Variants in ANKRD13C observed in about 807,000 individuals in gnomAD.
ANKRD13C encodes the protein ankyrin repeat domain-containing protein 13C.
A neutral mutation model predicts 65.5 loss-of-function variants in ANKRD13C; 16 were observed. That is an observed-to-expected ratio of 0.24 (90% CI 0.17 to 0.37). ANKRD13C has a LOEUF of 0.37. Ranked by LOEUF, ANKRD13C falls within the 10% of genes least tolerant of loss-of-function variation. The pLI is 1.00. For missense variants in ANKRD13C, 503 were observed against 655.9 expected (o/e 0.77, Z 2.55); for synonymous variants, 235 against 238.7 (o/e 0.98, Z 0.14).
intron 12 of ANKRD13C, among the ~76,000 whole-genome samples, chr1:70,268,835 A>G (rs1218457191): frequency 6.6e-6 from 1 of 152,072 alleles, no homozygotes; most frequent in Non-Finnish European, 1.5e-5. Flanking sequence ...TTCTGAAAAC[A>G]TGTAATTGTG....
rs1348576876 is a variant in ANKRD13C at position 70,259,131 on chromosome 1, C to A, written c.*3586G>T. 6.6e-6 allele frequency among the ~76,000 whole-genome samples: 1 copy of A among 152,058 alleles called. No individual in the cohort carries two copies. Among genetic ancestry groups the A allele is most frequent in the East Asian group, 1.9e-4 (1 of 5,194 alleles). The stretch of plus-strand genomic sequence containing the variant: ...CTGATGCATTCCACAGAACATGTAC[C>A]CATCATTAAGTGACACACAACTGTA... On this transcript the variant is annotated 3_prime_UTR_variant, in exon 13 of 13. Transcript: ENST00000370944.
intron 6 of ANKRD13C, among the ~76,000 whole-genome samples, chr1:70,304,544 G>A (rs922369908): frequency 4.6e-5 from 7 of 151,850 alleles, no homozygotes; most frequent in Admixed American, 3.3e-4. Context: ...CTATAGGCAC[G>A]TGTCACCATG....
At chr1:70,275,972 A>C (rs1363019347) in intron 10 of ANKRD13C, among the ~76,000 whole-genome samples, 1 of 150,770 alleles carries the variant, frequency 6.6e-6, no homozygotes, top group Non-Finnish European at 1.5e-5. Context: ...AAAAAAAAAA[A>C]AAAAAAAAAA....
rs542269476 is a variant in ANKRD13C at position 70,268,037 on chromosome 1, T to TTTG, written c.1495+2816_1495+2818dup. On this transcript the variant is annotated intron_variant, in intron 12 of 12. Coordinates refer to ENST00000370944, the MANE Select transcript of ANKRD13C (RefSeq NM_030816.5). Reference sequence around the variant, plus strand: ...GTGCTGGTGGAATTACAGGTGCTTTTTTGTTGTTGTTGTTGTTTTTTGTTT... The same window carrying TTTG: ...GTGCTGGTGGAATTACAGGTGCTTTTTTGTTGTTGTTGTTGTTGTTTTTTGTTT... Among the ~76,000 whole-genome samples, 8 of 152,160 alleles carry TTTG rather than the reference T, an allele frequency of 5.3e-5. No homozygotes were observed. In the East Asian group the frequency reaches 5.8e-4, roughly 11 times the overall value.
At chr1:70,267,424 C>G (rs1354730854) in intron 12 of ANKRD13C, among the ~76,000 whole-genome samples, 2 of 152,024 alleles carry the variant, frequency 1.3e-5, no homozygotes, top group South Asian at 2.1e-4. Flanking sequence ...GGAATGAGTA[C>G]AGTGGCGCGA....
chr1:70,347,091 CAAAAAAAAAAAAA>C (rs35972712), intron 1 of ANKRD13C, among the ~76,000 whole-genome samples: 1 of 36,354 alleles, frequency 2.8e-5, no homozygotes, highest in South Asian at 1.3e-3. Flanking sequence ...GGCTCCGTCT[CAAAAAAAAAAAAA>C]AAAAAAAAAA....
chr1:70,330,840 G>A (rs1681762674), intron 2 of ANKRD13C, among the ~76,000 whole-genome samples: 1 of 152,054 alleles, frequency 6.6e-6, no homozygotes, highest in Admixed American at 6.6e-5. Flanking sequence ...AAAAGGATAA[G>A]AATTAAAGAT....
intron 9 of ANKRD13C, among the ~76,000 whole-genome samples, chr1:70,277,907 G>C (rs1339869252): frequency 6.6e-6 from 1 of 152,076 alleles, no homozygotes; most frequent in African/African-American, 2.4e-5. Context: ...AAATTCCTGG[G>C]CCAGGTGCAG....
Position 70,318,906 on chromosome 1 carries a change from C to T in ANKRD13C, c.578-3340G>A, listed in dbSNP as rs1681187495. Among the ~76,000 whole-genome samples the T allele has an allele frequency of 2.0e-5, 3 of 152,102 alleles. No individual in the cohort carries two copies. In the South Asian group the frequency reaches 6.2e-4, roughly 31 times the overall value. ...CCATGTTGGCCAGGATGGTCTCGAT[C>T]TCTTGACATCATGATCCACCTGCCT... On this transcript the variant is annotated intron_variant, in intron 3 of 12. Coordinates refer to ENST00000370944, the MANE Select transcript of ANKRD13C (RefSeq NM_030816.5).
At chr1:70,270,273 A>G (rs1260586866) in intron 12 of ANKRD13C, among the ~76,000 whole-genome samples, 1 of 152,184 alleles carries the variant, frequency 6.6e-6, no homozygotes, top group African/African-American at 2.4e-5. Context: ...TCATTAGTTT[A>G]CCCACACTTT....
intron 4 of ANKRD13C, among the ~76,000 whole-genome samples, chr1:70,314,010 A>G (rs1450822865): frequency 6.6e-6 from 1 of 151,842 alleles, no homozygotes; most frequent in Non-Finnish European, 1.5e-5. Context: ...TACACTTCCC[A>G]GTATAAACAA....
chr1:70,264,841 G>A (rs937957056), intron 12 of ANKRD13C, among the ~76,000 whole-genome samples: 2 of 152,140 alleles, frequency 1.3e-5, no homozygotes, highest in African/African-American at 2.4e-5. Flanking sequence ...TTGGGGGTAC[G>A]AGCTGTTGAA....
intron 2 of ANKRD13C, among the ~76,000 whole-genome samples, chr1:70,334,198 G>A (rs1405802628): frequency 1.3e-5 from 2 of 152,028 alleles, no homozygotes; most frequent in Non-Finnish European, 2.9e-5. Context: ...GGTGGCATGT[G>A]CATCTAGTCC....
intron 9 of ANKRD13C, among the ~76,000 whole-genome samples, chr1:70,290,344 C>G (rs950817847): frequency 6.6e-6 from 1 of 152,174 alleles, no homozygotes; most frequent in Non-Finnish European, 1.5e-5. Flanking sequence ...AGGGAAAGGA[C>G]TAAACATTCC....
chr1:70,279,895 C>G (rs1257126168), intron 9 of ANKRD13C, among the ~76,000 whole-genome samples: 1 of 152,044 alleles, frequency 6.6e-6, no homozygotes, highest in African/African-American at 2.4e-5. Flanking sequence ...TCTTTTGGTA[C>G]GAGAGTCCAT....
chr1:70,319,572 A>T (rs1010971229), intron 3 of ANKRD13C, among the ~76,000 whole-genome samples: 8 of 151,100 alleles, frequency 5.3e-5, no homozygotes, highest in African/African-American at 2.0e-4. Flanking sequence ...GCGCCATTGC[A>T]TTCCAGCCTG....
chr1:70,282,647 G>C (rs1485586015), intron 9 of ANKRD13C, among the ~76,000 whole-genome samples: 1 of 152,180 alleles, frequency 6.6e-6, no homozygotes, highest in African/African-American at 2.4e-5. Context: ...GAATGACGAA[G>C]AGGCTTAAAA....
intron 1 of ANKRD13C, 32 bp downstream of exon 1, chr1:70,353,947 G>A (rs564266242): frequency 6.7e-7 from 1 of 1,488,246 alleles, no homozygotes; most frequent in South Asian, 1.4e-5. Flanking sequence ...CTCGGGGAAG[G>A]AGAGAGGTGG....
chr1:70,302,365 T>A (rs1572090164), intron 6 of ANKRD13C, among the ~76,000 whole-genome samples: 1 of 151,982 alleles, frequency 6.6e-6, no homozygotes, highest in African/African-American at 2.4e-5. Flanking sequence ...TTTAGTCCAC[T>A]CCCAGAAGCT....
Sources: gnomAD v4.1 joint callset for allele counts (sites outside exome capture counted in the v4.1 genomes callset) on GRCh38, gnomAD v4.1.1 for gene constraint, MANE v1.5 for transcripts, NCBI Gene and HGNC (gene_info 2026-07-23, HGNC 2026-07-21) for gene names.